The following ACMSD variants were observed in gnomAD, a reference collection of about 807,000 sequenced individuals.
ACMSD encodes the protein 2-amino-3-carboxymuconate-6-semialdehyde decarboxylase.
In ACMSD, 37 loss-of-function variants were observed where a neutral mutation model predicts 45.9. The ratio of observed to expected loss-of-function variants is 0.81; its 90% CI spans 0.62 to 1.06. The LOEUF (loss-of-function observed/expected upper bound fraction) is 1.06, where lower values mean the gene tolerates loss of function less well. Among genes scored for constraint, ACMSD ranks in the 50% least tolerant of loss-of-function variants. The pLI is 0.00. For missense variants in ACMSD, 434 were observed against 420.9 expected, an observed-to-expected ratio of 1.03 and a Z score of -0.27; for synonymous variants, 138 against 148.8, an observed-to-expected ratio of 0.93 and a Z score of 0.53.
intron 2 of ACMSD, among the ~76,000 whole-genome samples, chr2:134,857,383 A>G (rs1422245779): frequency 6.6e-6 from 1 of 152,146 alleles, no homozygotes; most frequent in Non-Finnish European, 1.5e-5. Flanking sequence ...GGCTGCAGTG[A>G]GCCGAGATCA....
chr2:134,884,834 G>A (rs746200817), intron 8 of ACMSD, among the ~76,000 whole-genome samples: 1 of 151,794 alleles, frequency 6.6e-6, no homozygotes, highest in Non-Finnish European at 1.5e-5. Context: ...ATCTTTTTTG[G>A]GGGTAGAAAT....
At chr2:134,883,443 T>C (rs539481275) in intron 8 of ACMSD, among the ~76,000 whole-genome samples, 68 of 152,304 alleles carry the variant, frequency 4.5e-4, no homozygotes, top group African/African-American at 1.6e-3. Flanking sequence ...CCTCATGTAA[T>C]TCATTTAAAA....
chr2:134,894,638 T>C (rs1284868168), intron 8 of ACMSD, among the ~76,000 whole-genome samples: 3 of 152,080 alleles, frequency 2.0e-5, no homozygotes, highest in Non-Finnish European at 2.9e-5. Context: ...ATAAAAAGCA[T>C]CATGAAAAAC....
At chr2:134,840,230 G>C (rs1032117568) in intron 1 of ACMSD, among the ~76,000 whole-genome samples, 2 of 121,254 alleles carry the variant, frequency 1.6e-5, no homozygotes, top group South Asian at 6.1e-4. Context: ...TTCTCTATTT[G>C]AGTATGAAAG....
At chr2:134,867,955 G>T (rs1688192297) in intron 6 of ACMSD, among the ~76,000 whole-genome samples, 1 of 152,010 alleles carries the variant, frequency 6.6e-6, no homozygotes, top group Admixed American at 6.6e-5. Context: ...CTGAGGCTTG[G>T]AATTTTTAGG....
chr2:134,880,743 C>A (rs1688993753), intron 8 of ACMSD, among the ~76,000 whole-genome samples: 1 of 152,080 alleles, frequency 6.6e-6, no homozygotes, highest in Non-Finnish European at 1.5e-5. Context: ...CTCGGTCTTT[C>A]ATATTAAATG....
At chr2:134,849,831 T>A (rs1419109418) in intron 2 of ACMSD, among the ~76,000 whole-genome samples, 1 of 152,132 alleles carries the variant, frequency 6.6e-6, no homozygotes, top group Non-Finnish European at 1.5e-5. Flanking sequence ...GGAGCAGAAT[T>A]GTGCCCTGAT....
At chr2:134,890,979 T>C (rs1689750878) in intron 8 of ACMSD, among the ~76,000 whole-genome samples, 1 of 152,016 alleles carries the variant, frequency 6.6e-6, no homozygotes, top group South Asian at 2.1e-4. Context: ...ATGGGGTTAT[T>C]TGTGTGGTGT....
chr2:134,873,519 A>ATGGTACT (rs1319338238), intron 8 of ACMSD: 1 of 152,222 alleles, frequency 6.6e-6, no homozygotes, highest in Non-Finnish European at 1.5e-5. Flanking sequence ...AATTTGCAAT[A>ATGGTACT]TGGTACTTGA....
At chr2:134,871,403 T>A (rs1006985943) in intron 7 of ACMSD, among the ~76,000 whole-genome samples, 11 of 152,206 alleles carry the variant, frequency 7.2e-5, no homozygotes, top group African/African-American at 2.7e-4. Flanking sequence ...CTTCAGCATA[T>A]GAGTTTTGAA....
intron 2 of ACMSD, among the ~76,000 whole-genome samples, chr2:134,858,044 G>C (rs1687663435): frequency 6.6e-6 from 1 of 151,988 alleles, no homozygotes; most frequent in Non-Finnish European, 1.5e-5. Flanking sequence ...ATATGCAGAG[G>C]AAATGAAACC....
chr2:134,844,396 T>G (rs1559037393), intron 1 of ACMSD: 1 of 152,184 alleles, frequency 6.6e-6, no homozygotes, highest in African/African-American at 2.4e-5. Context: ...TGCAAGTAGT[T>G]TGCTTTGGAG....
intron 2 of ACMSD, among the ~76,000 whole-genome samples, chr2:134,852,588 A>T (rs1206554355): frequency 6.6e-6 from 1 of 152,148 alleles, no homozygotes; most frequent in Non-Finnish European, 1.5e-5. Flanking sequence ...ACCCAGAAGG[A>T]AAAGCAGGCC....
At chr2:134,862,068 A>T (rs1225746082) in intron 4 of ACMSD, 50 bp downstream of exon 4, 3 of 1,608,804 alleles carry the variant, frequency 1.9e-6, no homozygotes, top group Non-Finnish European at 2.6e-6. Context: ...GTTCGTGTTG[A>T]GCTCCCAAAA....
chr2:134,843,336 G>T (rs890985080), intron 1 of ACMSD, among the ~76,000 whole-genome samples: 11 of 152,154 alleles, frequency 7.2e-5, no homozygotes, highest in African/African-American at 2.7e-4. Context: ...GGAAGAAACA[G>T]AAGATAGATT....
chr2:134,879,073 G>C (rs147217358), intron 8 of ACMSD, among the ~76,000 whole-genome samples: 2 of 152,218 alleles, frequency 1.3e-5, no homozygotes, highest in East Asian at 3.9e-4. Flanking sequence ...CTATTTTTCT[G>C]ATTATGCCCT....
At chr2:134,900,166 C>T (rs1690417499) in intron 9 of ACMSD, among the ~76,000 whole-genome samples, 1 of 152,088 alleles carries the variant, frequency 6.6e-6, no homozygotes, top group South Asian at 2.1e-4. Flanking sequence ...CTCAGTTTTG[C>T]CTTCTACAGT....
intron 8 of ACMSD, among the ~76,000 whole-genome samples, chr2:134,879,440 G>C (rs1025580798): frequency 7.2e-5 from 11 of 152,136 alleles, no homozygotes; most frequent in African/African-American, 2.7e-4. Context: ...CACATTTTCA[G>C]GTTTTTGTTA....
chr2:134,892,072 T>C (rs1227341420), intron 8 of ACMSD, among the ~76,000 whole-genome samples: 2 of 152,104 alleles, frequency 1.3e-5, no homozygotes, highest in Admixed American at 6.6e-5. Context: ...TACTGGGGAC[T>C]TGGAAGGGTG....
Sources: gnomAD v4.1 joint callset for allele counts (sites outside exome capture counted in the v4.1 genomes callset) on GRCh38, gnomAD v4.1.1 for gene constraint, MANE v1.5 for transcripts, NCBI Gene and HGNC (gene_info 2026-07-23, HGNC 2026-07-21) for gene names.